CCDC102B: variants seen among roughly 807,000 people sequenced by gnomAD.
CCDC102B encodes the protein coiled-coil domain-containing protein 102B.
Under a neutral mutation model 57.4 loss-of-function variants are expected in CCDC102B, and 75 were observed. The observed-to-expected ratio is 1.31, with a 90% CI of 1.08 to 1.58. The LOEUF is 1.58. CCDC102B is among the 40% of genes most tolerant of loss of function. The pLI is 0.00. For missense variants in CCDC102B, 636 were observed against 582.6 expected, an observed-to-expected ratio of 1.09 and a Z score of -0.94; for synonymous variants, 206 against 201.9, an observed-to-expected ratio of 1.02 and a Z score of -0.17.
At chr18:68,731,308 A>G (rs1250608467) in intron 2 of CCDC102B, among the ~76,000 whole-genome samples, 1 of 152,002 alleles carries the variant, frequency 6.6e-6, no homozygotes, top group African/African-American at 2.4e-5. Flanking sequence ...AACCATAAGT[A>G]TTTTTCTATT....
intron 6 of CCDC102B, among the ~76,000 whole-genome samples, chr18:68,976,324 G>C (rs899382582): frequency 2.6e-5 from 4 of 151,828 alleles, no homozygotes; most frequent in Admixed American, 6.6e-5. Flanking sequence ...TTCTTATTTT[G>C]ATAATAAAAA....
intron 7 of CCDC102B, among the ~76,000 whole-genome samples, chr18:69,036,276 C>T (rs920856541): frequency 1.3e-5 from 2 of 151,916 alleles, no homozygotes; most frequent in East Asian, 1.9e-4. Flanking sequence ...TCATTGTCCC[C>T]AAATTATGAA....
At chr18:68,737,045 C>G (rs894849613) in intron 2 of CCDC102B, among the ~76,000 whole-genome samples, 1 of 151,776 alleles carries the variant, frequency 6.6e-6, no homozygotes, top group African/African-American at 2.4e-5. Flanking sequence ...ATGTTTGTAC[C>G]CCCAATTCAG....
chr18:68,748,205 G>GGTATGTTTGT (rs530957083), intron 2 of CCDC102B, among the ~76,000 whole-genome samples: 154 of 137,598 alleles, frequency 1.1e-3, no homozygotes, highest in African/African-American at 4.0e-3. Flanking sequence ...TTATTAAACT[G>GGTATGTTTGT]GTGTGTGTGT....
intron 2 of CCDC102B, among the ~76,000 whole-genome samples, chr18:68,789,180 C>T (rs571044575): frequency 5.9e-5 from 9 of 152,052 alleles, no homozygotes; most frequent in Non-Finnish European, 7.4e-5. Flanking sequence ...TGGCTTGTAG[C>T]GTTTCTGCCG....
intron 5 of CCDC102B, among the ~76,000 whole-genome samples, chr18:68,884,413 C>T (rs1391769390): frequency 1.3e-5 from 2 of 151,780 alleles, no homozygotes; most frequent in South Asian, 2.1e-4. Context: ...AAGCCAAACA[C>T]AAAAAGAAAA....
intron 4 of CCDC102B, among the ~76,000 whole-genome samples, chr18:68,870,573 CTTTAGAAGAGATAT>C (rs1362173914): frequency 6.6e-6 from 1 of 152,046 alleles, no homozygotes; most frequent in African/African-American, 2.4e-5. Context: ...TAGACTTTGA[CTTTAGAAGAGATAT>C]TTTAGAAGAG....
chr18:68,741,055 T>C lies in CCDC102B; in HGVS notation c.-67+24461T>C, dbSNP rs556866005. Among the ~76,000 whole-genome samples the C allele has an allele frequency of 2.4e-4, 37 of 152,314 alleles. 1 individual carries two copies. The South Asian group carries it at 6.6e-3, about 27-fold the overall frequency. On this transcript the variant is annotated intron_variant, in intron 2 of 3. Transcript: ENST00000578970. ...TGGAGCAGCTCTGTTAGGGCCAGTC[T>C]AGGAGGTGCTCTTGTGGATGGTGGC... is the stretch of plus-strand genomic sequence containing the variant.
intron 4 of CCDC102B, among the ~76,000 whole-genome samples, chr18:68,854,979 T>C (rs1252651572): frequency 1.3e-5 from 2 of 152,228 alleles, no homozygotes; most frequent in Admixed American, 6.5e-5. Flanking sequence ...GTGATTTGAT[T>C]GCAGAAAATA....
chr18:68,996,030 T>C (rs1046234041), intron 6 of CCDC102B, among the ~76,000 whole-genome samples: 2 of 151,984 alleles, frequency 1.3e-5, no homozygotes, highest in African/African-American at 4.8e-5. Context: ...GCTTTAAGAT[T>C]TGTGATGGTT....
At chr18:68,842,664 G>A (rs1408251580) in intron 3 of CCDC102B, among the ~76,000 whole-genome samples, 1 of 152,122 alleles carries the variant, frequency 6.6e-6, no homozygotes, top group Non-Finnish European at 1.5e-5. Flanking sequence ...GGCAGCGGTG[G>A]CCTCTGGTGC....
intron 6 of CCDC102B, among the ~76,000 whole-genome samples, chr18:68,956,950 T>C (rs775766998): frequency 6.6e-6 from 1 of 151,998 alleles, no homozygotes; most frequent in Non-Finnish European, 1.5e-5. Flanking sequence ...TCTGTTCAGA[T>C]AATATGCCAA....
At chr18:68,810,798 A>G (rs1467372623) in intron 1 of CCDC102B, among the ~76,000 whole-genome samples, 4 of 145,892 alleles carry the variant, frequency 2.7e-5, no homozygotes, top group African/African-American at 1.0e-4. Context: ...CCATCAATGC[A>G]TCTTCTACAT....
intron 6 of CCDC102B, among the ~76,000 whole-genome samples, chr18:68,905,810 T>G: frequency 2.1e-5 from 1 of 46,848 alleles, no homozygotes; most frequent in Admixed American, 2.2e-4. Flanking sequence ...TTTTTTTTTT[T>G]TGAGACAGAG....
chr18:68,974,527 A>G (rs2050383860), intron 6 of CCDC102B, among the ~76,000 whole-genome samples: 1 of 151,978 alleles, frequency 6.6e-6, no homozygotes, highest in African/African-American at 2.4e-5. Flanking sequence ...TTTTATTGAC[A>G]TTAAAAATGG....
intron 6 of CCDC102B, among the ~76,000 whole-genome samples, chr18:68,969,152 C>A (rs1016447413): frequency 3.3e-5 from 5 of 152,114 alleles, no homozygotes; most frequent in African/African-American, 1.2e-4. Flanking sequence ...TTAACAAAAA[C>A]CAGGCCATGC....
At chr18:68,875,440 G>A (rs1421431942) in intron 5 of CCDC102B, among the ~76,000 whole-genome samples, 1 of 152,136 alleles carries the variant, frequency 6.6e-6, no homozygotes, top group Non-Finnish European at 1.5e-5. Flanking sequence ...CAAATTACTT[G>A]TCTTGGAACA....
chr18:68,800,989 A>G (rs1461812515), intron 1 of CCDC102B, among the ~76,000 whole-genome samples: 3 of 152,278 alleles, frequency 2.0e-5, no homozygotes, highest in East Asian at 3.9e-4. Flanking sequence ...TAAAAATTAT[A>G]GCTTATTTCA....
intron 6 of CCDC102B, among the ~76,000 whole-genome samples, chr18:69,002,698 A>G (rs1208792193): frequency 6.6e-6 from 1 of 151,854 alleles, no homozygotes; most frequent in Non-Finnish European, 1.5e-5. Flanking sequence ...GTTCTCTATT[A>G]AGGTCATTAT....
Sources: gnomAD v4.1 joint callset for allele counts (sites outside exome capture counted in the v4.1 genomes callset) on GRCh38, gnomAD v4.1.1 for gene constraint, MANE v1.5 for transcripts, NCBI Gene and HGNC (gene_info 2026-07-23, HGNC 2026-07-21) for gene names.